NAALADL2: variants seen among roughly 807,000 people sequenced by gnomAD.
NAALADL2 encodes the protein N-acetylated alpha-linked acidic dipeptidase like 2.
NAALADL2 carries 76 observed loss-of-function variants against 87.2 expected under a neutral mutation model. That is an observed-to-expected ratio of 0.87 (90% CI 0.72 to 1.05). The LOEUF is 1.05. Ranked by LOEUF, NAALADL2 falls within the 50% of genes least tolerant of loss-of-function variation. NAALADL2 has a pLI of 0.00. For synonymous variants in NAALADL2, 354 were observed against 331.0 expected (o/e 1.07, Z -0.75); for missense variants, 1,089 against 945.8 (o/e 1.15, Z -1.99).
chr3:175,748,046 C>T (rs548358814), intron 12 of NAALADL2, among the ~76,000 whole-genome samples: 14 of 152,086 alleles, frequency 9.2e-5, no homozygotes, highest in Non-Finnish European at 1.6e-4. Context: ...CCATCTAAAC[C>T]TATCACTTCA....
At chr3:175,793,451 A>G (rs1380753267) in intron 13 of NAALADL2, among the ~76,000 whole-genome samples, 1 of 151,568 alleles carries the variant, frequency 6.6e-6, no homozygotes, top group Non-Finnish European at 1.5e-5. Context: ...CTGGGACTAC[A>G]GGCACCCGCC....
intron 11 of NAALADL2, among the ~76,000 whole-genome samples, chr3:175,697,938 T>C (rs1207833456): frequency 2.1e-4 from 2 of 9,348 alleles, no homozygotes; most frequent in East Asian, 4.4e-3. Context: ...TACATATATA[T>C]GTGTATATAT....
At chr3:174,655,941 C>T (rs192679763) in intron 2 of NAALADL2, among the ~76,000 whole-genome samples, 3 of 152,088 alleles carry the variant, frequency 2.0e-5, no homozygotes, top group African/African-American at 7.2e-5. Flanking sequence ...TTGTTCTTAC[C>T]GGTGGATACA....
At chr3:174,760,390 C>T (rs1477383368) in intron 3 of NAALADL2, among the ~76,000 whole-genome samples, 1 of 152,184 alleles carries the variant, frequency 6.6e-6, no homozygotes, top group Non-Finnish European at 1.5e-5. Context: ...TCAGCCAATA[C>T]ATAATAGAAT....
At chr3:175,333,991 A>G (rs185597277) in intron 5 of NAALADL2, among the ~76,000 whole-genome samples, 93 of 152,238 alleles carry the variant, frequency 6.1e-4, no homozygotes, top group Middle Eastern at 3.4e-3. Context: ...AACAATAAAA[A>G]TTGTCCAATA....
chr3:175,592,650 A>G lies in NAALADL2; in HGVS notation c.1800+16463A>G, dbSNP rs146808305. On this transcript the variant is annotated intron_variant, in intron 10 of 13. Coordinates refer to ENST00000454872, the MANE Select transcript of NAALADL2 (RefSeq NM_207015.3). ...AAACTATAGCAAGAACAAAAAATCAAACACTGCATATTCTCACTCATAGGT... is the reference window on the plus strand; with the variant it reads ...AAACTATAGCAAGAACAAAAAATCAGACACTGCATATTCTCACTCATAGGT... Among the ~76,000 whole-genome samples the G allele has an allele frequency of 2.4e-3, 357 of 150,494 alleles. 1 individual carries two copies. Among genetic ancestry groups the G allele is most frequent in the African/African-American group, 8.2e-3 (338 of 40,986 alleles).
chr3:174,945,630 C>T (rs549076628), intron 1 of NAALADL2, among the ~76,000 whole-genome samples: 8 of 152,100 alleles, frequency 5.3e-5, no homozygotes, highest in South Asian at 2.1e-4. Flanking sequence ...GACATTTGAA[C>T]GTGGCTTGGT....
chr3:174,963,959 A>T (rs961767409), intron 1 of NAALADL2, among the ~76,000 whole-genome samples: 2 of 152,130 alleles, frequency 1.3e-5, no homozygotes, highest in African/African-American at 4.8e-5. Context: ...CAAAATTATC[A>T]TAAGGAATCT....
At chr3:174,489,888 C>T (rs939952178) in intron 1 of NAALADL2, among the ~76,000 whole-genome samples, 4 of 150,986 alleles carry the variant, frequency 2.6e-5, no homozygotes, top group African/African-American at 4.9e-5. Flanking sequence ...TATAAGTAAC[C>T]CTTATATGCA....
chr3:174,534,205 T>G (rs1174311879), intron 1 of NAALADL2, among the ~76,000 whole-genome samples: 1 of 152,174 alleles, frequency 6.6e-6, no homozygotes, highest in Non-Finnish European at 1.5e-5. Flanking sequence ...TGAAACCATT[T>G]AAATAAAACT....
intron 4 of NAALADL2, among the ~76,000 whole-genome samples, chr3:175,315,112 C>G (rs1758970289): frequency 6.6e-6 from 1 of 152,022 alleles, no homozygotes; most frequent in Non-Finnish European, 1.5e-5. Flanking sequence ...GTTGATGGAG[C>G]TATAATGTAG....
At chr3:175,360,862 CT>C (rs199509345) in intron 5 of NAALADL2, among the ~76,000 whole-genome samples, 5 of 142,394 alleles carry the variant, frequency 3.5e-5, no homozygotes, top group East Asian at 2.1e-4. Context: ...CTCACAATTT[CT>C]TTTTTTTTAA....
At chr3:174,925,835 C>T (rs1163675326) in intron 1 of NAALADL2, among the ~76,000 whole-genome samples, 1 of 151,952 alleles carries the variant, frequency 6.6e-6, no homozygotes, top group East Asian at 1.9e-4. Context: ...TCTTTGCCAG[C>T]AACAGAACAA....
chr3:175,718,099 A>G (rs1160150683), intron 11 of NAALADL2: 8 of 732,182 alleles, frequency 1.1e-5, no homozygotes, highest in Non-Finnish European at 1.7e-5. Context: ...CTTCCTTTCC[A>G]GTACTTTGAG....
chr3:175,469,833 A>G (rs1165385959), intron 8 of NAALADL2, among the ~76,000 whole-genome samples: 2 of 152,060 alleles, frequency 1.3e-5, no homozygotes, highest in East Asian at 1.9e-4. Flanking sequence ...ACTAACATAT[A>G]GACAGTGTCT....
chr3:174,755,131 C>T (rs1176568108), intron 3 of NAALADL2, among the ~76,000 whole-genome samples: 1 of 152,130 alleles, frequency 6.6e-6, no homozygotes, highest in African/African-American at 2.4e-5. Context: ...TGAGTGAATT[C>T]TCATGAGATC....
At chr3:174,632,933 CAAAAAAAAAAAAAAA>C (rs56809226) in intron 2 of NAALADL2, among the ~76,000 whole-genome samples, 3 of 63,778 alleles carry the variant, frequency 4.7e-5, no homozygotes, top group Admixed American at 2.2e-4. Context: ...GACTCTGTCT[CAAAAAAAAAAAAAAA>C]AAAAAAAAAG....
At chr3:174,617,566 T>A (rs1018644519) in intron 2 of NAALADL2, among the ~76,000 whole-genome samples, 21 of 151,654 alleles carry the variant, frequency 1.4e-4, no homozygotes, top group Admixed American at 1.1e-3. Context: ...AAAAACAAAC[T>A]GTATGTAAAT....
At chr3:175,660,791 A>G (rs887441502) in intron 11 of NAALADL2, among the ~76,000 whole-genome samples, 6 of 152,060 alleles carry the variant, frequency 3.9e-5, no homozygotes, top group Admixed American at 6.6e-5. Flanking sequence ...ATTTCATTTA[A>G]CATAATGACC....
Sources: allele counts gnomAD v4.1 joint callset (sites outside exome capture counted in the v4.1 genomes callset), GRCh38; gene constraint gnomAD v4.1.1; transcripts MANE v1.5; gene names NCBI Gene and HGNC (gene_info 2026-07-23, HGNC 2026-07-21).